Variants in KAT2B observed in about 807,000 individuals in gnomAD.
KAT2B encodes lysine acetyltransferase 2B.
A neutral mutation model predicts 105.9 loss-of-function variants in KAT2B; 36 were observed. That is an observed-to-expected ratio of 0.34 (90% CI 0.26 to 0.45). KAT2B has a LOEUF of 0.45. KAT2B is among the 20% of genes least tolerant of loss of function. The pLI is 1.00. For missense variants in KAT2B, 820 were observed against 1,021.6 expected, an observed-to-expected ratio of 0.80 and a Z score of 2.69; for synonymous variants, 397 against 377.9, an observed-to-expected ratio of 1.05 and a Z score of -0.59.
rs1484366407 is a variant in KAT2B, at chr3:20,154,111, G to A, written c.*1586G>A. On this transcript the variant is annotated 3_prime_UTR_variant, in exon 18 of 18. Transcript: ENST00000263754. ...CTGGTTTTAAACAGTGCTTTGTACC[G>A]GATCTGCTGAAGCATCTGTCCAGCT... 1 of 152,514 alleles carries A rather than the reference G, an allele frequency of 6.6e-6. No homozygotes were observed. Among genetic ancestry groups the A allele is most frequent in the East Asian group, 1.9e-4 (1 of 5,202 alleles). The allele number at this position is 152,514 out of a possible 1,614,324, so 9.4% of individuals were successfully genotyped here. A position where few individuals can be genotyped will look rare whatever the true frequency, so the allele number is the denominator to read the frequency against.
At chr3:20,108,211 G>C (rs1251377720) in intron 5 of KAT2B, among the ~76,000 whole-genome samples, 1 of 151,948 alleles carries the variant, frequency 6.6e-6, no homozygotes, top group Non-Finnish European at 1.5e-5. Flanking sequence ...GTGTTTAATG[G>C]GAAAACATTT....
At position 20,152,746 on chromosome 3, in the gene KAT2B, T is replaced by G. The variant is rs528713289; in HGVS notation, c.*221T>G. The G allele has an allele frequency of 5.5e-6, 2 of 364,294 alleles. No individual in the cohort carries two copies. Among genetic ancestry groups the G allele is most frequent in the African/African-American group, 4.0e-5 (2 of 49,434 alleles). 22.6% of individuals were successfully genotyped at this position (364,294 alleles called of 1,614,324 possible). On this transcript the variant is annotated 3_prime_UTR_variant, in exon 18 of 18. Coordinates refer to ENST00000263754, the MANE Select transcript of KAT2B (RefSeq NM_003884.5). ...TTTTATGGAATAGATTTTAATCTAT[T>G]TACTACTATTAAGGTAAATTTTCTA...
chr3:20,068,118 A>AT (rs1406526248), intron 1 of KAT2B, among the ~76,000 whole-genome samples: 1 of 151,068 alleles, frequency 6.6e-6, no homozygotes, highest in East Asian at 2.0e-4. Context: ...TGCCTCAGCC[A>AT]TCTGAGTAGC....
chr3:20,127,507 A>G lies in KAT2B; in HGVS notation c.1707A>G (p.Thr569=). 1.2e-6 allele frequency: 2 copies of G among 1,613,604 alleles called. No homozygotes were observed. Among genetic ancestry groups the G allele is most frequent in the South Asian group, 2.2e-5 (2 of 91,076 alleles). ...CFRMFPSQGF[T]EIVFCAVTSN... is the part of the protein sequence containing the mutation. ...GTATGTTCCCATCTCAAGGATTCAC[A>G]GAGATTGTCTTCTGTGCTGTAACCT... Residue 569 remains threonine (T), a synonymous_variant, in exon 11 of 18, where the codon ACA becomes ACG. Coordinates refer to ENST00000263754, the MANE Select transcript of KAT2B (RefSeq NM_003884.5).
At chr3:20,047,812 C>T (rs1490686040) in intron 1 of KAT2B, among the ~76,000 whole-genome samples, 1 of 151,896 alleles carries the variant, frequency 6.6e-6, no homozygotes, top group African/African-American at 2.4e-5. Flanking sequence ...GACGGGGTTT[C>T]ACCATGTTGG....
At chr3:20,040,914 G>A (rs1697705533) in intron 1 of KAT2B, 134 bp downstream of exon 1, 2 of 1,135,728 alleles carry the variant, frequency 1.8e-6, no homozygotes, top group African/African-American at 3.3e-5. Context: ...CTGCACCGCG[G>A]AAGTGCTCTT....
intron 8 of KAT2B, among the ~76,000 whole-genome samples, chr3:20,121,431 A>G (rs1404837192): frequency 6.6e-6 from 1 of 152,186 alleles, no homozygotes; most frequent in African/African-American, 2.4e-5. Flanking sequence ...CAAACATGAG[A>G]ATAGAAAGGA....
intron 12 of KAT2B, among the ~76,000 whole-genome samples, chr3:20,137,319 A>G (rs1699619135): frequency 6.6e-6 from 1 of 152,178 alleles, no homozygotes; most frequent in African/African-American, 2.4e-5. Flanking sequence ...ATTCTAAAAT[A>G]TGGTTTCTAA....
intron 3 of KAT2B, among the ~76,000 whole-genome samples, chr3:20,095,816 G>T (rs575385158): frequency 2.0e-5 from 3 of 152,294 alleles, no homozygotes; most frequent in East Asian, 3.9e-4. Context: ...ACCTTTGCAG[G>T]TGGTGATAAG....
chr3:20,106,484 C>T (rs1311905718), intron 5 of KAT2B, among the ~76,000 whole-genome samples: 1 of 152,092 alleles, frequency 6.6e-6, no homozygotes, highest in African/African-American at 2.4e-5. Context: ...CTCTCACACA[C>T]ACACACATTG....
chr3:20,042,393 T>A (rs764684238), intron 1 of KAT2B, among the ~76,000 whole-genome samples: 1 of 152,166 alleles, frequency 6.6e-6, no homozygotes, highest in Non-Finnish European at 1.5e-5. Context: ...GGACACCGAC[T>A]GTAGTAGGCA....
chr3:20,058,102 C>T (rs1698031395), intron 1 of KAT2B, among the ~76,000 whole-genome samples: 1 of 152,102 alleles, frequency 6.6e-6, no homozygotes, highest in Non-Finnish European at 1.5e-5. Context: ...TAGCCTTGAC[C>T]ACTCTTTAAT....
Position 20,107,952 on chromosome 3 carries a change from G to A in KAT2B, c.852-3644G>A, listed in dbSNP as rs897008151. On this transcript the variant is annotated intron_variant, in intron 5 of 17. Coordinates refer to ENST00000263754, the MANE Select transcript of KAT2B (RefSeq NM_003884.5). ...GGCTGCCAAGTAGCTGGGACTACAG[G>A]CGCCTGCCACCATGCCTGGCTAATG... Among the ~76,000 whole-genome samples the A allele has an allele frequency of 4.0e-5, 6 of 151,568 alleles. No homozygotes were observed. In the South Asian group the frequency reaches 8.3e-4, roughly 21 times the overall value.
chr3:20,116,229 A>T (rs1025700444), intron 7 of KAT2B, among the ~76,000 whole-genome samples: 1 of 152,206 alleles, frequency 6.6e-6, no homozygotes, highest in East Asian at 1.9e-4. Context: ...GTTACTGGAC[A>T]TATCCTTTGC....
At chr3:20,101,014 T>C (rs569623077) in intron 4 of KAT2B, 2 of 439,974 alleles carry the variant, frequency 4.5e-6, no homozygotes, top group Non-Finnish European at 4.1e-6. Context: ...TTTCAGTCCA[T>C]GGTTTTGATT....
rs763586082 is a variant in KAT2B, at chr3:20,137,003, A to G, written c.1811A>G (p.Asn604Ser). The G allele has an allele frequency of 6.2e-6, 10 of 1,610,676 alleles. No homozygotes were observed. Among genetic ancestry groups the G allele is most frequent in the Non-Finnish European group, 8.5e-6 (10 of 1,177,120 alleles). Reference sequence around the variant, plus strand: ...TATCACATAAAGCATGACATCCTGAACTTCCTCACATATGCAGATGAATAT... The same window carrying G: ...TATCACATAAAGCATGACATCCTGAGCTTCCTCACATATGCAGATGAATAT... ...KEYHIKHDIL[N>S]FLTYADEYAI... Residue 604 changes from asparagine (N) to serine (S), a missense_variant, in exon 12 of 18, where the codon AAC becomes AGC. Asn to Ser is a conservative substitution (Grantham distance 46, BLOSUM62 1). This residue lies in a region of KAT2B where 227 missense variants were observed against 292.9 expected (regional missense o/e 0.77). Coordinates refer to ENST00000263754, the MANE Select transcript of KAT2B (RefSeq NM_003884.5).
Position 20,118,892 on chromosome 3 carries a change from T to C in KAT2B, c.1151-706T>C, listed in dbSNP as rs572699723. Among the ~76,000 whole-genome samples the C allele has an allele frequency of 9.9e-5, 15 of 151,596 alleles. No individual in the cohort carries two copies. The East Asian group carries it at 2.7e-3, about 27-fold the overall frequency. ...AGTAATTTTGATGTCTCTCATGTAT[T>C]CTCTAACATAAAAACTATAGTTTTC... On this transcript the variant is annotated intron_variant, in intron 7 of 17. Coordinates refer to ENST00000263754, the MANE Select transcript of KAT2B (RefSeq NM_003884.5).
At chr3:20,097,379 T>C (rs1698829686) in intron 3 of KAT2B, among the ~76,000 whole-genome samples, 1 of 152,136 alleles carries the variant, frequency 6.6e-6, no homozygotes, top group South Asian at 2.1e-4. Context: ...ACAGTGCAAA[T>C]ATATTTGCTT....
At chr3:20,132,617 C>G (rs910179409) in intron 11 of KAT2B, among the ~76,000 whole-genome samples, 13 of 152,174 alleles carry the variant, frequency 8.5e-5, no homozygotes, top group Non-Finnish European at 1.8e-4. Flanking sequence ...CAAGGCAGTA[C>G]TTAAACTACC....
Sources: allele counts gnomAD v4.1 joint callset (sites outside exome capture counted in the v4.1 genomes callset), GRCh38; gene constraint gnomAD v4.1.1; regional missense constraint gnomAD v4.1.1; transcripts MANE v1.5; gene names NCBI Gene and HGNC (gene_info 2026-07-23, HGNC 2026-07-21).